IL1RAPL1: variants seen among roughly 807,000 people sequenced by gnomAD.
IL1RAPL1 encodes the protein interleukin-1 receptor accessory protein-like 1.
A neutral mutation model predicts 48.4 loss-of-function variants in IL1RAPL1; 3 were observed. The ratio of observed to expected loss-of-function variants is 0.06; its 90% CI spans 0.03 to 0.16. The LOEUF (loss-of-function observed/expected upper bound fraction) is 0.16. Ranked by LOEUF, IL1RAPL1 falls within the 10% of genes least tolerant of loss-of-function variation. The pLI is 1.00. For missense variants in IL1RAPL1, 349 were observed against 530.6 expected (o/e 0.66, Z 3.36); for synonymous variants, 185 against 187.7 (o/e 0.99, Z 0.12).
intron 1 of IL1RAPL1, among the ~76,000 whole-genome samples, chrX:28,756,569 C>T (rs990222410): frequency 4.5e-5 from 5 of 112,132 alleles, no homozygotes; most frequent in African/African-American, 1.6e-4. Flanking sequence ...GCTCAATTCT[C>T]CAAATGTCCC....
intron 6 of IL1RAPL1, among the ~76,000 whole-genome samples, chrX:29,802,480 AC>A (rs926244900): frequency 1.8e-5 from 2 of 109,138 alleles, no homozygotes; most frequent in Admixed American, 2.0e-4. Context: ...ATAACTAGAA[AC>A]AACGATGTTA....
intron 5 of IL1RAPL1, among the ~76,000 whole-genome samples, chrX:29,598,700 G>T (rs1414248019): frequency 9.0e-6 from 1 of 111,254 alleles, no homozygotes; most frequent in East Asian, 2.8e-4. Flanking sequence ...TTATAAACTT[G>T]GGAGCTCCAG....
chrX:28,836,336 T>TTATA (rs34343530), intron 2 of IL1RAPL1, among the ~76,000 whole-genome samples: 1,191 of 85,241 alleles, frequency 0.014, 44 homozygotes, highest in African/African-American at 0.041. Flanking sequence ...CTTCCCAATT[T>TTATA]TATATATATA....
intron 2 of IL1RAPL1, among the ~76,000 whole-genome samples, chrX:28,907,580 A>C (rs769074033): frequency 8.9e-6 from 1 of 112,872 alleles, no homozygotes; most frequent in Non-Finnish European, 1.9e-5. Flanking sequence ...ATATCGAACC[A>C]GCATTGCATA....
intron 9 of IL1RAPL1, among the ~76,000 whole-genome samples, chrX:29,949,263 G>A (rs2147255811): frequency 1.8e-5 from 2 of 111,749 alleles, no homozygotes; most frequent in African/African-American, 6.5e-5. Flanking sequence ...ACGCCACAGA[G>A]TCCAAACTTC....
intron 5 of IL1RAPL1, among the ~76,000 whole-genome samples, chrX:29,534,918 G>A (rs1371594072): frequency 9.3e-6 from 1 of 107,973 alleles, no homozygotes; most frequent in Admixed American, 9.8e-5. Context: ...GCAGTGAGCC[G>A]AGATTGTGCC....
intron 5 of IL1RAPL1, among the ~76,000 whole-genome samples, chrX:29,642,600 T>TA (rs1239290088): frequency 2.8e-4 from 31 of 112,622 alleles, no homozygotes; most frequent in African/African-American, 9.7e-4. Flanking sequence ...GGATATCAAC[T>TA]AAGGCATAGC....
intron 6 of IL1RAPL1, among the ~76,000 whole-genome samples, chrX:29,714,192 T>C (rs1011337170): frequency 1.8e-5 from 2 of 111,424 alleles, no homozygotes; most frequent in Non-Finnish European, 3.8e-5. Flanking sequence ...ACTGAACATA[T>C]CCCCCCCACT....
intron 5 of IL1RAPL1, among the ~76,000 whole-genome samples, chrX:29,541,744 T>C (rs1264405809): frequency 9.0e-6 from 1 of 110,565 alleles, no homozygotes; most frequent in East Asian, 2.8e-4. Flanking sequence ...TGGATACTTA[T>C]GGATATAAAG....
At chrX:29,092,774 T>C (rs1164547954) in intron 2 of IL1RAPL1, among the ~76,000 whole-genome samples, 5 of 112,099 alleles carry the variant, frequency 4.5e-5, no homozygotes, top group African/African-American at 1.6e-4. Flanking sequence ...TAACAGGAAG[T>C]TTCTATTTTT....
intron 1 of IL1RAPL1, among the ~76,000 whole-genome samples, chrX:28,593,086 A>T (rs1314112634): frequency 8.9e-6 from 1 of 111,851 alleles, no homozygotes; most frequent in Non-Finnish European, 1.9e-5. Context: ...TATACTGCAT[A>T]TAACATTCTA....
chrX:28,976,117 A>T (rs1925198922), intron 2 of IL1RAPL1, among the ~76,000 whole-genome samples: 2 of 112,172 alleles, frequency 1.8e-5, no homozygotes, highest in Admixed American at 1.9e-4. Flanking sequence ...GTAAAATGGG[A>T]TGTGAATGGA....
chrX:28,704,306 GTTTCT>G (rs201441831), intron 1 of IL1RAPL1, among the ~76,000 whole-genome samples: 1,241 of 108,401 alleles, frequency 0.011, 18 homozygotes, highest in African/African-American at 0.038. Context: ...GGGAATCATA[GTTTCT>G]TTTCTTTTCT....
intron 5 of IL1RAPL1, among the ~76,000 whole-genome samples, chrX:29,613,805 C>T (rs1924179586): frequency 1.0e-5 from 1 of 96,449 alleles, no homozygotes; most frequent in South Asian, 5.4e-4. Flanking sequence ...GCTCTGTTGC[C>T]CAGGCTGGAG....
At chrX:29,946,887 A>G (rs1276477831) in intron 9 of IL1RAPL1, among the ~76,000 whole-genome samples, 1 of 112,257 alleles carries the variant, frequency 8.9e-6, no homozygotes, top group Non-Finnish European at 1.9e-5. Context: ...AATTGTGTTA[A>G]GTAATTCATA....
chrX:29,047,413 TG>T (rs1219963257), intron 2 of IL1RAPL1, among the ~76,000 whole-genome samples: 1 of 112,556 alleles, frequency 8.9e-6, no homozygotes, highest in African/African-American at 3.2e-5. Flanking sequence ...ACTAACAATC[TG>T]TAGCAATGTT....
chrX:28,944,448 C>A (rs1045082366), intron 2 of IL1RAPL1, among the ~76,000 whole-genome samples: 3 of 111,104 alleles, frequency 2.7e-5, no homozygotes, highest in African/African-American at 9.8e-5. Context: ...AATGATTTCA[C>A]AATACACGTT....
chrX:29,788,046 A>G (rs998280062), intron 6 of IL1RAPL1, among the ~76,000 whole-genome samples: 1 of 112,084 alleles, frequency 8.9e-6, no homozygotes, highest in Admixed American at 9.5e-5. Flanking sequence ...GTCTGTTGCT[A>G]TGCACTGATT....
At chrX:29,379,826 T>G (rs1472541901) in intron 3 of IL1RAPL1, among the ~76,000 whole-genome samples, 5 of 111,629 alleles carry the variant, frequency 4.5e-5, no homozygotes, top group Non-Finnish European at 9.4e-5. Flanking sequence ...GCGGGAACAG[T>G]GCTTTCTAGC....
Sources: allele counts gnomAD v4.1 joint callset (sites outside exome capture counted in the v4.1 genomes callset), GRCh38; gene constraint gnomAD v4.1.1; transcripts MANE v1.5; gene names NCBI Gene and HGNC (gene_info 2026-07-23, HGNC 2026-07-21).